The following ADAMTS12 variants were observed in gnomAD, a reference collection of about 807,000 sequenced individuals.
The protein encoded by ADAMTS12 is ADAM metallopeptidase with thrombospondin type 1 motif 12.
Under a neutral mutation model 167.8 loss-of-function variants are expected in ADAMTS12, and 118 were observed. That is an observed-to-expected ratio of 0.70 (90% CI 0.61 to 0.82). ADAMTS12 has a LOEUF of 0.82. ADAMTS12 is among the 40% of genes least tolerant of loss of function. The pLI is 0.00. For missense variants in ADAMTS12, 1,916 were observed against 1,998.8 expected (o/e 0.96, Z 0.79); for synonymous variants, 704 against 716.9 (o/e 0.98, Z 0.29).
At position 33,561,185 on chromosome 5, in the gene ADAMTS12, G is replaced by C. The variant is rs772373901; in HGVS notation, c.3973-6C>G. ...AGGCCACATGTGGTGGAGCACTGTA[G>C]CAGGGAAGGAGAGAGATGACAGAGG... On this transcript the variant is annotated splice_polypyrimidine_tract_variant and splice_region_variant and intron_variant, in intron 19 of 23. Transcript: ENST00000504830. 6.2e-7 allele frequency: 1 copy of C among 1,613,166 alleles called. No homozygotes were observed. The highest frequency in any genetic ancestry group is 2.2e-5 in the East Asian group (1 of 44,840).
At chr5:33,575,988 C>A in intron 19 of ADAMTS12, 66 bp downstream of exon 19, 1 of 1,527,726 alleles carries the variant, frequency 6.5e-7, no homozygotes, top group Admixed American at 2.2e-5. Flanking sequence ...TTGAAATTTT[C>A]ACATGAATTT....
intron 2 of ADAMTS12, among the ~76,000 whole-genome samples, chr5:33,753,136 T>C (rs1033680987): frequency 6.6e-6 from 1 of 152,216 alleles, no homozygotes; most frequent in Non-Finnish European, 1.5e-5. Flanking sequence ...TACTACCTCA[T>C]AGGGCTGTTC....
At chr5:33,833,965 C>T (rs1235357762) in intron 2 of ADAMTS12, among the ~76,000 whole-genome samples, 1 of 152,182 alleles carries the variant, frequency 6.6e-6, no homozygotes, top group Non-Finnish European at 1.5e-5. Flanking sequence ...TTTATTTTCT[C>T]ACAGTTTTGG....
chr5:33,542,446 C>G (rs1744754605), intron 22 of ADAMTS12, among the ~76,000 whole-genome samples: 2 of 152,154 alleles, frequency 1.3e-5, no homozygotes, highest in African/African-American at 4.8e-5. Context: ...CAATATTAGA[C>G]AGATCAAGGA....
At chr5:33,862,424 A>G (rs1749654220) in intron 2 of ADAMTS12, among the ~76,000 whole-genome samples, 2 of 152,206 alleles carry the variant, frequency 1.3e-5, no homozygotes, top group African/African-American at 2.4e-5. Flanking sequence ...ACTTCTACAC[A>G]GTAAACTAGA....
At chr5:33,535,118 G>A (rs1744317872) in intron 22 of ADAMTS12, 126 bp from the exon 23 acceptor site, 1 of 963,916 alleles carries the variant, frequency 1.0e-6, no homozygotes. Flanking sequence ...AACCTTTTTG[G>A]AGGAGTCATA....
intron 9 of ADAMTS12, among the ~76,000 whole-genome samples, chr5:33,645,390 C>G (rs1038960227): frequency 6.6e-6 from 1 of 152,098 alleles, no homozygotes. Flanking sequence ...CTAGCTCATC[C>G]TTTCATTGAA....
At chr5:33,670,742 CA>C (rs1192210070) in intron 5 of ADAMTS12, among the ~76,000 whole-genome samples, 2 of 152,092 alleles carry the variant, frequency 1.3e-5, no homozygotes, top group African/African-American at 2.4e-5. Flanking sequence ...GACTCTATCT[CA>C]AAAAACAAAC....
intron 14 of ADAMTS12, among the ~76,000 whole-genome samples, chr5:33,621,612 A>C (rs1287979333): frequency 6.6e-5 from 10 of 152,176 alleles, no homozygotes; most frequent in Non-Finnish European, 1.5e-4. Context: ...GTGCTCATAA[A>C]GAGGTTATAC....
At chr5:33,853,841 C>T (rs1430766171) in intron 2 of ADAMTS12, among the ~76,000 whole-genome samples, 1 of 152,164 alleles carries the variant, frequency 6.6e-6, no homozygotes, top group Non-Finnish European at 1.5e-5. Context: ...ATTCAGCTGA[C>T]CAGGGGAGGA....
chr5:33,872,208 G>A (rs1120510), intron 2 of ADAMTS12, among the ~76,000 whole-genome samples: 3,060 of 152,198 alleles, frequency 0.02, 147 homozygotes, highest in East Asian at 0.2. Flanking sequence ...AACTCATTCC[G>A]TGGGGCCAGC....
intron 2 of ADAMTS12, among the ~76,000 whole-genome samples, chr5:33,821,966 C>T (rs1039151060): frequency 1.3e-5 from 2 of 152,206 alleles, no homozygotes; most frequent in Admixed American, 1.3e-4. Context: ...AATAGTAAAA[C>T]TTACTCTTCC....
intron 22 of ADAMTS12, among the ~76,000 whole-genome samples, chr5:33,539,478 G>T (rs773706638): frequency 5.9e-5 from 9 of 152,196 alleles, no homozygotes; most frequent in Non-Finnish European, 1.0e-4. Flanking sequence ...AAAAGCCAGA[G>T]AATCCAAGGT....
chr5:33,580,024 T>C (rs776526230), intron 18 of ADAMTS12, among the ~76,000 whole-genome samples: 1 of 152,188 alleles, frequency 6.6e-6, no homozygotes, highest in Non-Finnish European at 1.5e-5. Flanking sequence ...CCCTACTGGT[T>C]TACTGCTGGA....
chr5:33,560,036 T>C (rs1745661957), intron 20 of ADAMTS12, among the ~76,000 whole-genome samples: 1 of 152,222 alleles, frequency 6.6e-6, no homozygotes, highest in Admixed American at 6.5e-5. Flanking sequence ...ATGATTTAAT[T>C]ATATCCGTGA....
At chr5:33,628,731 C>G (rs4866350) in intron 13 of ADAMTS12, among the ~76,000 whole-genome samples, 5 of 151,800 alleles carry the variant, frequency 3.3e-5, no homozygotes, top group African/African-American at 7.3e-5. Flanking sequence ...AAATAAGGAG[C>G]CTGGAATTAC....
At chr5:33,664,357 T>A (rs1161362987) in intron 5 of ADAMTS12, among the ~76,000 whole-genome samples, 1 of 152,148 alleles carries the variant, frequency 6.6e-6, no homozygotes, top group African/African-American at 2.4e-5. Flanking sequence ...AAACACCAAA[T>A]GTGACCCACC....
Position 33,642,123 on chromosome 5 carries a change from C to T in ADAMTS12, c.1573-168G>A, listed in dbSNP as rs554541447. Among the ~76,000 whole-genome samples, 5 of 152,262 alleles carry T rather than the reference C, an allele frequency of 3.3e-5. No individual in the cohort carries two copies. In the East Asian group the frequency reaches 5.8e-4, roughly 18 times the overall value. ...GCTCATATAAGTTTCTGCCAAGAGT[C>T]GTGGGTTTTAGAATCAGAGAGTTTC... is the stretch of plus-strand genomic sequence containing the variant. On this transcript the variant is annotated intron_variant, in intron 10 of 23. Coordinates refer to ENST00000504830, the MANE Select transcript of ADAMTS12 (RefSeq NM_030955.4).
chr5:33,726,253 G>A lies in ADAMTS12; in HGVS notation c.634+25151C>T, dbSNP rs543615295. Among the ~76,000 whole-genome samples, 119 of 152,320 alleles carry A rather than the reference G, an allele frequency of 7.8e-4. 1 individual carries two copies. Among genetic ancestry groups the A allele is most frequent in the Non-Finnish European group, 9.1e-4 (62 of 68,026 alleles). On this transcript the variant is annotated intron_variant, in intron 3 of 23. Coordinates refer to ENST00000504830, the MANE Select transcript of ADAMTS12 (RefSeq NM_030955.4). Reference sequence around the variant, plus strand: ...CTAATCATGCCACTTCCTTGCCTCGGTGAGTACACTGATGTCACTCACATT... The same window carrying A: ...CTAATCATGCCACTTCCTTGCCTCGATGAGTACACTGATGTCACTCACATT...
Sources: allele counts gnomAD v4.1 joint callset (sites outside exome capture counted in the v4.1 genomes callset), GRCh38; gene constraint gnomAD v4.1.1; transcripts MANE v1.5; gene names NCBI Gene and HGNC (gene_info 2026-07-23, HGNC 2026-07-21).